The following FRMD4B variants were observed in gnomAD, a reference collection of about 807,000 sequenced individuals.
FRMD4B encodes FERM domain-containing protein 4B.
A neutral mutation model predicts 141.5 loss-of-function variants in FRMD4B; 74 were observed. The ratio of observed to expected loss-of-function variants is 0.52; its 90% CI spans 0.43 to 0.63. The LOEUF (loss-of-function observed/expected upper bound fraction) is 0.63, where lower values mean the gene tolerates loss of function less well. Ranked by LOEUF, FRMD4B falls within the 30% of genes least tolerant of loss-of-function variation. FRMD4B has a pLI of 0.00. For synonymous variants in FRMD4B, 506 were observed against 467.9 expected, an observed-to-expected ratio of 1.08 and a Z score of -1.05; for missense variants, 1,366 against 1,253.4, an observed-to-expected ratio of 1.09 and a Z score of -1.36.
At chr3:69,334,470 CAAAAAAA>C (rs35195297) in intron 1 of FRMD4B, 1 of 96,522 alleles carries the variant, frequency 1.0e-5, no homozygotes, top group African/African-American at 3.9e-5. Flanking sequence ...CTTATCTCTA[CAAAAAAA>C]AAAAAAAAAA....
chr3:69,195,459 A>G (rs2092892951), intron 14 of FRMD4B, 95 bp from the exon 15 acceptor site: 3 of 929,498 alleles, frequency 3.2e-6, no homozygotes, highest in Non-Finnish European at 4.7e-6. Context: ...CTGCTATTAA[A>G]TGGTAGTTTA....
At chr3:69,203,263 G>A (rs1313856626) in intron 11 of FRMD4B, among the ~76,000 whole-genome samples, 3 of 131,008 alleles carry the variant, frequency 2.3e-5, no homozygotes, top group Admixed American at 9.0e-5. Flanking sequence ...CCTGTTCCCT[G>A]TCCCACCCCA....
chr3:69,463,006 C>T (rs1420214601), intron 1 of FRMD4B, among the ~76,000 whole-genome samples: 3 of 152,234 alleles, frequency 2.0e-5, no homozygotes, highest in African/African-American at 7.2e-5. Flanking sequence ...CACACTCACA[C>T]CTGCTTCCCT....
chr3:69,413,013 C>A (rs1704786688), intron 2 of FRMD4B, among the ~76,000 whole-genome samples: 1 of 151,806 alleles, frequency 6.6e-6, no homozygotes, highest in Admixed American at 6.6e-5. Flanking sequence ...TCTTTTGTCC[C>A]ACTGCTGTAG....
At position 69,276,440 on chromosome 3, in the gene FRMD4B, T is replaced by C. The variant is rs1485563765; in HGVS notation, c.501+11312A>G. Among the ~76,000 whole-genome samples, 7 of 151,894 alleles carry C rather than the reference T, an allele frequency of 4.6e-5. No individual in the cohort carries two copies. In the South Asian group the frequency reaches 6.2e-4, roughly 13 times the overall value. ...GGCGTGCACCATCATGCCTGGCTAA[T>C]TTTTTTTATGGTTTGTAGGAACAGG... is the stretch of plus-strand genomic sequence containing the variant. On this transcript the variant is annotated intron_variant, in intron 5 of 22. Coordinates refer to ENST00000398540, the MANE Select transcript of FRMD4B (RefSeq NM_015123.3).
intron 1 of FRMD4B, among the ~76,000 whole-genome samples, chr3:69,323,759 A>C (rs1702095462): frequency 6.6e-6 from 1 of 151,324 alleles, no homozygotes; most frequent in South Asian, 2.1e-4. Context: ...TGGCTGACCC[A>C]CCTTACAAGG....
At position 69,292,925 on chromosome 3, in the gene FRMD4B, C is replaced by T. The variant is rs114116739; in HGVS notation, c.417-5089G>A. On this transcript the variant is annotated intron_variant, in intron 4 of 22. Transcript: ENST00000398540. ...AAGCCCATGGTTAATTTTTCAGCTT[C>T]GGAAAGAACCCAGGCTTTTTGAATA... 9.9e-3 allele frequency: 3,383 copies of T among 341,878 alleles called. 27 individuals carry two copies. Among genetic ancestry groups the T allele is most frequent in the Non-Finnish European group, 0.014 (2,447 of 174,192 alleles). The allele number at this position is 341,878 out of a possible 1,614,324, so 21.2% of individuals were successfully genotyped here.
At chr3:69,249,382 C>A in intron 6 of FRMD4B, 134 bp from the exon 7 acceptor site, 1 of 597,610 alleles carries the variant, frequency 1.7e-6, no homozygotes, top group Non-Finnish European at 3.0e-6. Context: ...AATGCTCTCC[C>A]TATAGGCATA....
chr3:69,447,275 T>C (rs1473192445), intron 1 of FRMD4B, among the ~76,000 whole-genome samples: 1 of 152,192 alleles, frequency 6.6e-6, no homozygotes, highest in South Asian at 2.1e-4. Context: ...AATGTAGTTA[T>C]TGTACCTATT....
chr3:69,266,347 G>A (rs2093562000), intron 5 of FRMD4B, among the ~76,000 whole-genome samples: 1 of 152,178 alleles, frequency 6.6e-6, no homozygotes, highest in African/African-American at 2.4e-5. Flanking sequence ...GTGTGCGTGT[G>A]AGATGGAGCA....
At chr3:69,438,952 A>C (rs1705301475) in intron 1 of FRMD4B, among the ~76,000 whole-genome samples, 2 of 152,202 alleles carry the variant, frequency 1.3e-5, no homozygotes, top group African/African-American at 4.8e-5. Flanking sequence ...ATAGAACCAC[A>C]CAGAATTTAT....
At chr3:69,455,751 T>C (rs1439354899) in intron 1 of FRMD4B, among the ~76,000 whole-genome samples, 2 of 152,216 alleles carry the variant, frequency 1.3e-5, no homozygotes, top group African/African-American at 4.8e-5. Context: ...ACGAATTTTA[T>C]GCAACACTTT....
At chr3:69,353,628 GGTGT>G (rs964418579) in intron 1 of FRMD4B, 31 of 948,758 alleles carry the variant, frequency 3.3e-5, no homozygotes, top group Middle Eastern at 5.4e-4. Flanking sequence ...GCACTTGTGC[GGTGT>G]GTGTGTGTGT....
At chr3:69,230,740 T>C (rs1420862362) in intron 7 of FRMD4B, among the ~76,000 whole-genome samples, 3 of 150,488 alleles carry the variant, frequency 2.0e-5, no homozygotes, top group Non-Finnish European at 3.0e-5. Context: ...AGAGCAAGAC[T>C]CTGCCTCGAA....
intron 1 of FRMD4B, among the ~76,000 whole-genome samples, chr3:69,482,820 A>G (rs1445449342): frequency 6.6e-6 from 1 of 152,186 alleles, no homozygotes; most frequent in Non-Finnish European, 1.5e-5. Flanking sequence ...CCCAGGGTAA[A>G]CTGTTACTCT....
chr3:69,237,878 G>A (rs112705227), intron 7 of FRMD4B, among the ~76,000 whole-genome samples: 2 of 152,106 alleles, frequency 1.3e-5, no homozygotes, highest in South Asian at 2.1e-4. Flanking sequence ...TTACAGGCAC[G>A]CACCACCATG....
At position 69,406,911 on chromosome 3, in the gene FRMD4B, A is replaced by T. The variant is rs1332737406; in HGVS notation, c.-1+25723T>A. 3.0e-5 allele frequency among the ~76,000 whole-genome samples: 4 copies of T among 135,188 alleles called. No individual in the cohort carries two copies. In the East Asian group the frequency reaches 6.4e-4, roughly 22 times the overall value. The allele number at this position is 135,188 out of a possible 152,430, so 88.7% of individuals were successfully genotyped here. A position where few individuals can be genotyped will look rare whatever the true frequency, so the allele number is the denominator to read the frequency against. On this transcript the variant is annotated intron_variant, in intron 2 of 5. Transcript: ENST00000459638. ...CACACCCAGTTAATTTTTAATTTTA[A>T]TTTTTTTTTTTTTTTTGTAGAGACA...
intron 6 of FRMD4B, among the ~76,000 whole-genome samples, 169 bp downstream of exon 6, chr3:69,249,874 A>C (rs1022195922): frequency 6.6e-5 from 10 of 152,186 alleles, no homozygotes; most frequent in African/African-American, 2.4e-4. Flanking sequence ...TAGCTCATGC[A>C]AACTATTCTA....
At chr3:69,193,009 C>T (rs1289211848) in intron 17 of FRMD4B, among the ~76,000 whole-genome samples, 7 of 151,704 alleles carry the variant, frequency 4.6e-5, no homozygotes, top group Non-Finnish European at 7.4e-5. Flanking sequence ...TTTGAAGAGA[C>T]GGGGTTTCAC....
Sources: gnomAD v4.1 joint callset for allele counts (sites outside exome capture counted in the v4.1 genomes callset) on GRCh38, gnomAD v4.1.1 for gene constraint, MANE v1.5 for transcripts, NCBI Gene and HGNC (gene_info 2026-07-23, HGNC 2026-07-21) for gene names.